Variants in HYKK observed in about 807,000 individuals in gnomAD.
HYKK encodes 5-hydroxy-L-lysine kinase.
A neutral mutation model predicts 29.7 loss-of-function variants in HYKK; 19 were observed. The observed-to-expected ratio is 0.64, with a 90% CI of 0.45 to 0.94. HYKK has a LOEUF of 0.94. Among genes scored for constraint, HYKK ranks in the 40% least tolerant of loss-of-function variants. The probability of loss-of-function intolerance (pLI) is 0.00; values close to 1 mark genes in which losing one functional copy is unlikely to be tolerated. For synonymous variants in HYKK, 152 were observed against 158.1 expected (o/e 0.96, Z 0.29); for missense variants, 390 against 443.4 (o/e 0.88, Z 1.08).
Position 78,533,941 on chromosome 15 carries a change from G to A in HYKK, c.*271G>A. 1 of 374,626 alleles carries A rather than the reference G, an allele frequency of 2.7e-6. No homozygotes were observed. Among genetic ancestry groups the A allele is most frequent in the South Asian group, 4.3e-5 (1 of 23,164 alleles). The allele number at this position is 374,626 out of a possible 1,614,324, so 23.2% of individuals were successfully genotyped here. A position where few individuals can be genotyped will look rare whatever the true frequency, so the allele number is the denominator to read the frequency against. Reference sequence around the variant, plus strand: ...ACACATATAATGATACCATTTTGAAGCAGATAATCTCACAAGATCTATTCC... The same window carrying A: ...ACACATATAATGATACCATTTTGAAACAGATAATCTCACAAGATCTATTCC... On this transcript the variant is annotated 3_prime_UTR_variant, in exon 5 of 5. Coordinates refer to ENST00000388988, the MANE Select transcript of HYKK (RefSeq NM_001013619.4).
Position 78,533,438 on chromosome 15 carries a change from T to C in HYKK, c.890T>C (p.Leu297Pro). The C allele has an allele frequency of 6.2e-7, 1 of 1,614,204 alleles. No homozygotes were observed. The highest frequency in any genetic ancestry group is 8.5e-7 in the Non-Finnish European group (1 of 1,180,024). ...VLAGFESITP[L>P]TAVEKGALFL... ...GCAGGGTTTGAAAGCATCACCCCAC[T>C]GACAGCTGTAGAGAAGGGTGCTTTG... is the stretch of plus-strand genomic sequence containing the variant. The change falls in exon 5 of 5, where the codon CTG (leucine) becomes CCG (proline). Residue 297 changes from leucine (L) to proline (P), a missense_variant. Transcript: ENST00000388988.
At position 78,533,588 on chromosome 15, in the gene HYKK, A is replaced by G. The variant is rs2052334032; in HGVS notation, c.1040A>G (p.Gln347Arg). ...TAKTGWKHLQ[Q>R]MFDMGQKAVE... ...AAAACCGGGTGGAAACACTTACAGC[A>G]AATGTTTGACATGGGTCAGAAAGCT... The change falls in exon 5 of 5, where the codon CAA becomes CGA. Residue 347 changes from glutamine to arginine, a missense_variant. Coordinates refer to ENST00000388988, the MANE Select transcript of HYKK (RefSeq NM_001013619.4). The G allele has an allele frequency of 6.2e-7, 1 of 1,614,146 alleles. No homozygotes were observed. Among genetic ancestry groups the G allele is most frequent in the African/African-American group, 1.3e-5 (1 of 74,952 alleles).
At chr15:78,510,634 G>T (rs992691208) in intron 1 of HYKK, among the ~76,000 whole-genome samples, 2 of 152,156 alleles carry the variant, frequency 1.3e-5, no homozygotes, top group Non-Finnish European at 2.9e-5. Flanking sequence ...TTTTTGCTAT[G>T]ATACAGCCAA....
intron 1 of HYKK, among the ~76,000 whole-genome samples, chr15:78,512,394 C>A (rs369740068): frequency 7.1e-6 from 1 of 140,732 alleles, no homozygotes; most frequent in African/African-American, 2.6e-5. Flanking sequence ...TCTTTTTTTT[C>A]TTTTTCTTTT....
intron 1 of HYKK, among the ~76,000 whole-genome samples, chr15:78,509,291 G>A (rs1469722304): frequency 6.6e-6 from 1 of 152,198 alleles, no homozygotes; most frequent in Non-Finnish European, 1.5e-5. Flanking sequence ...TGTTTTAGAG[G>A]AGACATGACT....
intron 4 of HYKK, among the ~76,000 whole-genome samples, chr15:78,529,679 A>C (rs1175884480): frequency 6.6e-6 from 1 of 152,210 alleles, no homozygotes; most frequent in Non-Finnish European, 1.5e-5. Flanking sequence ...TGCCAAATCA[A>C]GTCTTTGGCC....
At chr15:78,530,211 T>A (rs1370745292) in intron 4 of HYKK, among the ~76,000 whole-genome samples, 1 of 150,546 alleles carries the variant, frequency 6.6e-6, no homozygotes. Flanking sequence ...TTTTTTTTTT[T>A]TTTTTTTGAG....
In HYKK at chr15:78,514,961, C is replaced by T. The variant is rs1371707847; in HGVS notation, c.338-7C>T. The T allele has an allele frequency of 7.6e-6, 11 of 1,451,852 alleles. No homozygotes were observed. The highest frequency in any genetic ancestry group is 1.0e-5 in the Non-Finnish European group (11 of 1,081,824). The allele number at this position is 1,451,852 out of a possible 1,614,324, so 89.9% of individuals were successfully genotyped here. ...TAGTCAAAGGATATTTTATTCCATC[C>T]ATTTAGATAGTGGCTCTGAAATCAA... On this transcript the variant is annotated splice_polypyrimidine_tract_variant and splice_region_variant and intron_variant, in intron 2 of 4. Transcript: ENST00000388988.
intron 4 of HYKK, among the ~76,000 whole-genome samples, chr15:78,532,530 C>G (rs1663175485): frequency 6.6e-6 from 1 of 152,220 alleles, no homozygotes; most frequent in African/African-American, 2.4e-5. Flanking sequence ...CACAGTGGCT[C>G]AGGCCTGTAA....
intron 4 of HYKK, chr15:78,527,930 T>G (rs970501631): frequency 2.8e-5 from 5 of 181,732 alleles, no homozygotes; most frequent in African/African-American, 1.2e-4. Context: ...TTGATCCATA[T>G]GAATATTTGT....
chr15:78,525,974 A>G lies in HYKK; in HGVS notation c.478-1406A>G, dbSNP rs368241461. Among the ~76,000 whole-genome samples the G allele has an allele frequency of 3.2e-4, 49 of 152,354 alleles. 1 individual carries two copies. The South Asian group carries it at 4.3e-3, about 14-fold the overall frequency. On this transcript the variant is annotated intron_variant, in intron 3 of 4. Coordinates refer to ENST00000388988, the MANE Select transcript of HYKK (RefSeq NM_001013619.4). The stretch of plus-strand genomic sequence containing the variant: ...ATCAACTTCACTGGATGACCATCAA[A>G]GCATCTTCCAGCGCTCACTCTGTGA...
chr15:78,527,241 G>T (rs184749250), intron 3 of HYKK, 139 bp from the exon 4 acceptor site: 12 of 665,394 alleles, frequency 1.8e-5, no homozygotes, highest in Non-Finnish European at 3.0e-5. Context: ...AGTCGAGATC[G>T]TGCCACTGCA....
chr15:78,525,707 C>G (rs2052246696), intron 3 of HYKK, among the ~76,000 whole-genome samples: 2 of 151,832 alleles, frequency 1.3e-5, no homozygotes, highest in African/African-American at 4.8e-5. Context: ...CCATGTTGGC[C>G]AGGCTGGTCT....
intron 3 of HYKK, among the ~76,000 whole-genome samples, chr15:78,525,194 C>T (rs1442782597): frequency 4.6e-5 from 7 of 151,842 alleles, no homozygotes; most frequent in South Asian, 2.1e-4. Context: ...CTCGCTCTGT[C>T]GCCCAGGCTG....
At chr15:78,522,678 AC>A (rs1347037546) in intron 3 of HYKK, among the ~76,000 whole-genome samples, 2 of 152,108 alleles carry the variant, frequency 1.3e-5, no homozygotes, top group African/African-American at 2.4e-5. Context: ...GGAGTTCCAG[AC>A]CAGCCTGGCC....
chr15:78,526,266 C>A (rs76197780), intron 3 of HYKK, among the ~76,000 whole-genome samples: 1 of 152,056 alleles, frequency 6.6e-6, no homozygotes, highest in Non-Finnish European at 1.5e-5. Flanking sequence ...CAGGAGTGAA[C>A]AAAACAGACA....
Position 78,533,433 on chromosome 15 carries a change from C to G in HYKK, c.885C>G (p.Thr295=). 6.2e-7 allele frequency: 1 copy of G among 1,614,126 alleles called. No individual in the cohort carries two copies. Among genetic ancestry groups the G allele is most frequent in the Non-Finnish European group, 8.5e-7 (1 of 1,180,008 alleles). ...GHVLAGFESI[T]PLTAVEKGAL... The stretch of plus-strand genomic sequence containing the variant: ...TCCTTGCAGGGTTTGAAAGCATCAC[C>G]CCACTGACAGCTGTAGAGAAGGGTG... Residue 295 remains threonine (T), a synonymous_variant, in exon 5 of 5, where the codon ACC becomes ACG. Transcript: ENST00000388988.
At chr15:78,525,736 T>C (rs1052767117) in intron 3 of HYKK, among the ~76,000 whole-genome samples, 1 of 151,838 alleles carries the variant, frequency 6.6e-6, no homozygotes, top group African/African-American at 2.4e-5. Flanking sequence ...TGACCTCAAA[T>C]GATCCACCCA....
intron 2 of HYKK, among the ~76,000 whole-genome samples, chr15:78,514,085 C>G (rs952100883): frequency 6.6e-6 from 1 of 151,794 alleles, no homozygotes; most frequent in Admixed American, 6.6e-5. Context: ...AGTCACCATG[C>G]CTGGCCTGTT....
Sources: gnomAD v4.1 joint callset for allele counts (sites outside exome capture counted in the v4.1 genomes callset) on GRCh38, gnomAD v4.1.1 for gene constraint, MANE v1.5 for transcripts, NCBI Gene and HGNC (gene_info 2026-07-23, HGNC 2026-07-21) for gene names.